Variants in DCT observed in about 807,000 individuals in gnomAD.
DCT encodes the protein L-dopachrome tautomerase.
DCT carries 47 observed loss-of-function variants against 53.0 expected under a neutral mutation model. The ratio of observed to expected loss-of-function variants is 0.89; its 90% confidence interval spans 0.70 to 1.13. The LOEUF is 1.13. Among genes scored for constraint, DCT ranks in the 50% most tolerant of loss-of-function variants. DCT has a pLI of 0.00. For synonymous variants in DCT, 244 were observed against 237.0 expected (o/e 1.03, Z -0.27); for missense variants, 669 against 637.4 (o/e 1.05, Z -0.53).
chr13:94,547,982 A>AT, the DCT span, among the ~76,000 whole-genome samples: 704 of 84,218 alleles, frequency 8.4e-3, 1 homozygote, highest in Middle Eastern at 0.038. Context: ...AAAAAAAAAA[A>AT]AAATATATAT....
At chr13:94,517,621 A>T in the DCT span, among the ~76,000 whole-genome samples, 1 of 152,160 alleles carries the variant, frequency 6.6e-6, no homozygotes, top group East Asian at 1.9e-4. Context: ...ATATTCAATT[A>T]AATTCTGGAT....
the DCT span, among the ~76,000 whole-genome samples, chr13:94,521,770 C>T: frequency 6.6e-6 from 1 of 152,186 alleles, no homozygotes; most frequent in Admixed American, 6.5e-5. Context: ...ATTCACAAAC[C>T]ATAAGACTCA....
chr13:94,443,314 A>G, intron 7 of DCT, 122 bp downstream of exon 7: 1 of 758,578 alleles, frequency 1.3e-6, no homozygotes, highest in Non-Finnish European at 2.2e-6. Context: ...ATGGTCAATA[A>G]ACTTAACTAG....
At chr13:94,494,082 A>G in the DCT span, among the ~76,000 whole-genome samples, 19 of 152,320 alleles carry the variant, frequency 1.2e-4, no homozygotes, top group South Asian at 3.9e-3. Context: ...AAAAGTCTGG[A>G]TCTCAAGCTC....
the DCT span, among the ~76,000 whole-genome samples, chr13:94,533,474 A>G: frequency 2.6e-5 from 4 of 152,204 alleles, no homozygotes; most frequent in African/African-American, 9.6e-5. Flanking sequence ...ATACAGGGAA[A>G]ACACCCTGGT....
At chr13:94,451,420 G>T (rs1883079937) in intron 6 of DCT, among the ~76,000 whole-genome samples, 1 of 152,152 alleles carries the variant, frequency 6.6e-6, no homozygotes, top group African/African-American at 2.4e-5. Context: ...TGTCTAAACT[G>T]ACAAAAGGCA....
chr13:94,445,833 C>T, intron 6 of DCT: 1 of 1,094,870 alleles, frequency 9.1e-7, no homozygotes, highest in Non-Finnish European at 1.4e-6. Flanking sequence ...TGAATTGGGA[C>T]CCGCTGCCCC....
At chr13:94,535,457 C>T in the DCT span, among the ~76,000 whole-genome samples, 3 of 152,194 alleles carry the variant, frequency 2.0e-5, no homozygotes, top group Non-Finnish European at 4.4e-5. Context: ...TGAGGCTCTG[C>T]CAGAAACTGA....
At chr13:94,510,204 C>A in the DCT span, among the ~76,000 whole-genome samples, 1 of 152,140 alleles carries the variant, frequency 6.6e-6, no homozygotes, top group Non-Finnish European at 1.5e-5. Flanking sequence ...ACATCAGAGT[C>A]ACTGGATGGC....
chr13:94,483,813 T>C (rs893676425), upstream of DCT, among the ~76,000 whole-genome samples: 3 of 152,118 alleles, frequency 2.0e-5, no homozygotes, highest in African/African-American at 7.2e-5. Flanking sequence ...CCATATGACT[T>C]AGTTTTAAAT....
In DCT at chr13:94,465,758, G is replaced by A. The variant is rs377082349; in HGVS notation, c.738C>T (p.Asn246=). The A allele has an allele frequency of 2.5e-6, 4 of 1,612,630 alleles. No homozygotes were observed. Among genetic ancestry groups the A allele is most frequent in the Non-Finnish European group, 3.4e-6 (4 of 1,179,400 alleles). Reference sequence around the variant, plus strand: ...CACACTCGTTCCTCCCAGTGGCAAAGTTCCAGTAGGGCAAAGCAAAAGACT... The same window carrying A: ...CACACTCGTTCCTCCCAGTGGCAAAATTCCAGTAGGGCAAAGCAAAAGACT... ...GNESFALPYW[N]FATGRNECDV... The change falls in exon 4 of 8, where the codon AAC becomes AAT. Residue 246 remains asparagine (N), a synonymous_variant. Transcript: ENST00000377028.
In DCT at chr13:94,443,648, G is replaced by T; in HGVS notation, c.1180-11C>A. 1 of 1,603,198 alleles carries T rather than the reference G, an allele frequency of 6.2e-7. No individual in the cohort carries two copies. Among genetic ancestry groups the T allele is most frequent in the African/African-American group, 1.3e-5 (1 of 74,806 alleles). On this transcript the variant is annotated splice_polypyrimidine_tract_variant and intron_variant, in intron 6 of 7. Coordinates refer to ENST00000377028, the MANE Select transcript of DCT (RefSeq NM_001922.5). The stretch of plus-strand genomic sequence containing the variant: ...AAAGGAATGAAGAACCTGCAAAACA[G>T]TTGGACACAGCATTTAACATAAATC...
chr13:94,511,776 A>G, the DCT span, among the ~76,000 whole-genome samples: 2 of 151,840 alleles, frequency 1.3e-5, no homozygotes, highest in Non-Finnish European at 2.9e-5. Flanking sequence ...TTCTCATACC[A>G]TAGGTGTGTT....
At chr13:94,475,168 C>G (rs1390821843) in intron 1 of DCT, among the ~76,000 whole-genome samples, 1 of 152,104 alleles carries the variant, frequency 6.6e-6, no homozygotes, top group Admixed American at 6.6e-5. Flanking sequence ...GGACATGTGT[C>G]CTGCTTTGGG....
chr13:94,453,305 T>C (rs762188762), intron 6 of DCT, among the ~76,000 whole-genome samples: 1 of 151,978 alleles, frequency 6.6e-6, no homozygotes, highest in Non-Finnish European at 1.5e-5. Flanking sequence ...TAATTGCAAC[T>C]GTATAAAACA....
chr13:94,520,480 G>A, the DCT span, among the ~76,000 whole-genome samples: 3 of 152,302 alleles, frequency 2.0e-5, no homozygotes, highest in South Asian at 2.1e-4. Context: ...CCGACCCTGC[G>A]TCGAAGGGGA....
At chr13:94,513,476 AC>A in the DCT span, among the ~76,000 whole-genome samples, 1 of 152,198 alleles carries the variant, frequency 6.6e-6, no homozygotes, top group Non-Finnish European at 1.5e-5. Flanking sequence ...TTATATAACA[AC>A]CAACCTCCAA....
chr13:94,454,074 T>C (rs1425053957), intron 6 of DCT, among the ~76,000 whole-genome samples: 2 of 152,220 alleles, frequency 1.3e-5, no homozygotes, highest in Admixed American at 6.5e-5. Context: ...TGGTAGTCCA[T>C]CAGCTATGTG....
intron 1 of DCT, among the ~76,000 whole-genome samples, chr13:94,469,761 G>A (rs1884509966): frequency 6.6e-6 from 1 of 152,162 alleles, no homozygotes; most frequent in Non-Finnish European, 1.5e-5. Context: ...AAAATACACA[G>A]CAAGCTAAAG....
Sources: gnomAD v4.1 joint callset for allele counts (sites outside exome capture counted in the v4.1 genomes callset) on GRCh38, gnomAD v4.1.1 for gene constraint, MANE v1.5 for transcripts, NCBI Gene and HGNC (gene_info 2026-07-23, HGNC 2026-07-21) for gene names.